The following FSTL5 variants were observed in gnomAD, a reference collection of about 807,000 sequenced individuals.
FSTL5 encodes the protein follistatin like 5, also known as follistatin-related protein 5.
A neutral mutation model predicts 89.1 loss-of-function variants in FSTL5; 62 were observed. That is an observed-to-expected ratio of 0.70 (90% confidence interval 0.57 to 0.86). The LOEUF (loss-of-function observed/expected upper bound fraction) is 0.86, where lower values mean the gene tolerates loss of function less well. Among genes scored for constraint, FSTL5 ranks in the 40% least tolerant of loss-of-function variants. The pLI, the probability that FSTL5 is intolerant of heterozygous loss-of-function variation, is 0.00. For synonymous variants in FSTL5, 383 were observed against 346.2 expected, an observed-to-expected ratio of 1.11 and a Z score of -1.18; for missense variants, 1,057 against 1,001.6, an observed-to-expected ratio of 1.06 and a Z score of -0.75.
intron 4 of FSTL5, among the ~76,000 whole-genome samples, chr4:161,902,050 A>G (rs1733381812): frequency 6.6e-6 from 1 of 152,198 alleles, no homozygotes; most frequent in East Asian, 1.9e-4. Context: ...TTCTTCACCT[A>G]GATATTATTT....
intron 6 of FSTL5, among the ~76,000 whole-genome samples, chr4:161,753,951 A>G (rs1740485827): frequency 6.9e-6 from 1 of 145,808 alleles, no homozygotes. Context: ...CTGAGGCAGG[A>G]GAATGGTGTG....
intron 6 of FSTL5, among the ~76,000 whole-genome samples, chr4:161,662,998 C>T (rs939778217): frequency 1.3e-5 from 2 of 152,046 alleles, no homozygotes; most frequent in African/African-American, 4.8e-5. Context: ...AAGGGACACC[C>T]CTGATAAACC....
At chr4:161,876,674 A>C (rs1398142206) in intron 4 of FSTL5, among the ~76,000 whole-genome samples, 5 of 152,168 alleles carry the variant, frequency 3.3e-5, no homozygotes, top group Admixed American at 3.3e-4. Context: ...CAGGGATTCA[A>C]GGCTGCAGTA....
chr4:161,877,186 A>AG (rs1159294098), intron 4 of FSTL5, among the ~76,000 whole-genome samples: 1 of 145,388 alleles, frequency 6.9e-6, no homozygotes, highest in Non-Finnish European at 1.5e-5. Context: ...TCTGTCTCGA[A>AG]AAAAAAAAAA....
At chr4:161,850,029 A>T (rs956004380) in intron 4 of FSTL5, among the ~76,000 whole-genome samples, 4 of 152,178 alleles carry the variant, frequency 2.6e-5, no homozygotes, top group African/African-American at 9.6e-5. Flanking sequence ...AAGATCTCAA[A>T]GGAAATGTTA....
At chr4:162,091,383 A>G (rs1204465074) in intron 2 of FSTL5, among the ~76,000 whole-genome samples, 1 of 152,148 alleles carries the variant, frequency 6.6e-6, no homozygotes, top group African/African-American at 2.4e-5. Flanking sequence ...TCACTTCATA[A>G]TCTTCAACTA....
chr4:161,740,110 C>T (rs1388584931), intron 6 of FSTL5, among the ~76,000 whole-genome samples: 1 of 151,988 alleles, frequency 6.6e-6, no homozygotes, highest in Non-Finnish European at 1.5e-5. Context: ...ACCTCCGCCT[C>T]CCGGGTTCAA....
At chr4:162,013,857 A>T (rs116304167) in intron 3 of FSTL5, among the ~76,000 whole-genome samples, 1,515 of 151,178 alleles carry the variant, frequency 0.01, 29 homozygotes, top group African/African-American at 0.035. Context: ...CATAGGCATT[A>T]AAAAAATATG....
intron 3 of FSTL5, among the ~76,000 whole-genome samples, chr4:161,937,448 A>C (rs911993940): frequency 2.0e-5 from 3 of 152,182 alleles, no homozygotes; most frequent in African/African-American, 7.2e-5. Flanking sequence ...AGTAAAATGA[A>C]TTAGAATAGA....
At chr4:161,640,900 A>T (rs559091389) in intron 7 of FSTL5, among the ~76,000 whole-genome samples, 69 of 152,358 alleles carry the variant, frequency 4.5e-4, no homozygotes, top group African/African-American at 1.6e-3. Flanking sequence ...TTTTGAAAAC[A>T]GCAAGAGAAC....
intron 3 of FSTL5, among the ~76,000 whole-genome samples, chr4:162,013,135 G>C (rs1231395390): frequency 6.6e-6 from 1 of 150,678 alleles, no homozygotes; most frequent in East Asian, 2.0e-4. Context: ...AATGAGCCGA[G>C]ATCTTGCACT....
intron 4 of FSTL5, among the ~76,000 whole-genome samples, chr4:161,862,649 T>G (rs940074920): frequency 6.6e-6 from 1 of 151,992 alleles, no homozygotes; most frequent in African/African-American, 2.4e-5. Context: ...GGAGAATCAC[T>G]TGAACCCAGG....
At chr4:161,932,588 C>T (rs1328364058) in intron 3 of FSTL5, among the ~76,000 whole-genome samples, 3 of 151,488 alleles carry the variant, frequency 2.0e-5, no homozygotes, top group Admixed American at 6.6e-5. Flanking sequence ...AGCCCCTGGA[C>T]CACTGTGATT....
intron 6 of FSTL5, among the ~76,000 whole-genome samples, chr4:161,691,314 C>T (rs1737933648): frequency 6.6e-6 from 1 of 152,076 alleles, no homozygotes; most frequent in South Asian, 2.1e-4. Flanking sequence ...TTATTGAATA[C>T]TCTTGACTCA....
At chr4:162,019,081 C>G (rs573685263) in intron 3 of FSTL5, among the ~76,000 whole-genome samples, 74 of 152,142 alleles carry the variant, frequency 4.9e-4, no homozygotes, top group African/African-American at 1.8e-3. Flanking sequence ...TGTCAGTCAC[C>G]TATAAGGAAA....
intron 4 of FSTL5, among the ~76,000 whole-genome samples, chr4:161,824,186 A>T (rs2126854198): frequency 6.6e-6 from 1 of 152,254 alleles, no homozygotes; most frequent in African/African-American, 2.4e-5. Context: ...GTTGATTTTT[A>T]TGTAAGGTGA....
chr4:161,855,708 A>G (rs1731700456), intron 4 of FSTL5, among the ~76,000 whole-genome samples: 2 of 152,108 alleles, frequency 1.3e-5, no homozygotes, highest in Non-Finnish European at 1.5e-5. Flanking sequence ...AGTGTAATAC[A>G]GTGCTATTAG....
At chr4:162,156,270 G>C (rs1023743428) in intron 1 of FSTL5, among the ~76,000 whole-genome samples, 3 of 152,186 alleles carry the variant, frequency 2.0e-5, no homozygotes, top group Non-Finnish European at 2.9e-5. Flanking sequence ...GCAGAGAAAA[G>C]GCAAATCTTA....
intron 5 of FSTL5, among the ~76,000 whole-genome samples, chr4:161,764,043 G>A (rs1021011515): frequency 3.9e-5 from 6 of 151,966 alleles, no homozygotes; most frequent in African/African-American, 1.5e-4. Flanking sequence ...TGCTGGAGGT[G>A]AATTAATAAG....
Sources: gnomAD v4.1 joint callset for allele counts (sites outside exome capture counted in the v4.1 genomes callset) on GRCh38, gnomAD v4.1.1 for gene constraint, MANE v1.5 for transcripts, NCBI Gene and HGNC (gene_info 2026-07-23, HGNC 2026-07-21) for gene names.